Variants in ADAMTS19 observed in about 807,000 individuals in gnomAD.
ADAMTS19 encodes the protein ADAM metallopeptidase with thrombospondin type 1 motif 19.
ADAMTS19 carries 93 observed loss-of-function variants against 153.3 expected under a neutral mutation model. The observed-to-expected ratio is 0.61, with a 90% CI of 0.51 to 0.72. The LOEUF (loss-of-function observed/expected upper bound fraction) is 0.72, where lower values mean the gene tolerates loss of function less well. Ranked by LOEUF, ADAMTS19 falls within the 30% of genes least tolerant of loss-of-function variation. ADAMTS19 has a pLI of 0.00. For missense variants in ADAMTS19, 1,482 were observed against 1,552.1 expected (o/e 0.95, Z 0.76); for synonymous variants, 600 against 556.6 (o/e 1.08, Z -1.10).
chr5:129,586,413 T>A (rs142708637), intron 7 of ADAMTS19, among the ~76,000 whole-genome samples: 30 of 152,342 alleles, frequency 2.0e-4, no homozygotes, highest in African/African-American at 6.7e-4. Context: ...GTTACATAGT[T>A]GAAATCATGC....
At chr5:129,653,194 G>C (rs1357696988) in intron 13 of ADAMTS19, among the ~76,000 whole-genome samples, 2 of 152,148 alleles carry the variant, frequency 1.3e-5, no homozygotes, top group African/African-American at 4.8e-5. Context: ...CTTTACTGAA[G>C]ACATAAGGGA....
At position 129,679,830 on chromosome 5, in the gene ADAMTS19, A is replaced by G. The variant is rs753363146; in HGVS notation, c.2573A>G (p.Asn858Ser). 14 of 1,614,050 alleles carry G rather than the reference A, an allele frequency of 8.7e-6. No homozygotes were observed. The highest frequency in any genetic ancestry group is 2.2e-5 in the East Asian group (1 of 44,860). ...AAGATTGAACACTCTGGAGCCTTCA[A>G]TTTGGCTGGAACTACCGTTCATTAT... ...DWKIEHSGAF[N>S]LAGTTVHYVR... The change falls in exon 17 of 23, where the codon AAT (asparagine) becomes AGT (serine). Residue 858 changes from asparagine (N) to serine (S), a missense_variant. Asn to Ser is a conservative substitution (Grantham distance 46, BLOSUM62 1). Around this residue, in one of 2 missense-constraint regions of ADAMTS19, gnomAD observed 616 missense variants for 724.4 expected, o/e 0.85. Transcript: ENST00000274487.
rs546767144 is a variant in ADAMTS19 at position 129,673,237 on chromosome 5, TC to T, written c.2507-6526del. Among the ~76,000 whole-genome samples the T allele has an allele frequency of 2.1e-4, 32 of 152,208 alleles. No individual in the cohort carries two copies. In the South Asian group the frequency reaches 2.9e-3, roughly 14 times the overall value. On this transcript the variant is annotated intron_variant, in intron 16 of 22. Coordinates refer to ENST00000274487, the MANE Select transcript of ADAMTS19 (RefSeq NM_133638.6). ...TTACATTGGGTTTATATTTATTTTT[TC>T]TACCATTTTAAGGTAGAAACTTAGA...
chr5:129,639,932 G>A (rs1752718456), intron 10 of ADAMTS19, among the ~76,000 whole-genome samples: 1 of 152,052 alleles, frequency 6.6e-6, no homozygotes, highest in Non-Finnish European at 1.5e-5. Flanking sequence ...AAAAGTACAT[G>A]AAAAACAATT....
At chr5:129,709,003 A>C (rs1756312553) in intron 21 of ADAMTS19, among the ~76,000 whole-genome samples, 2 of 152,144 alleles carry the variant, frequency 1.3e-5, no homozygotes, top group South Asian at 4.1e-4. Context: ...TAGAAGTGAT[A>C]GATACAAAGC....
rs1753007490 is a variant in ADAMTS19, at chr5:129,549,870, ATG to A, written c.1329-1992_1329-1991del. Among the ~76,000 whole-genome samples, 5 of 96,620 alleles carry A rather than the reference ATG, an allele frequency of 5.2e-5. No homozygotes were observed. In the South Asian group the frequency reaches 1.6e-3, roughly 30 times the overall value. 63.4% of individuals were successfully genotyped at this position (96,620 alleles called of 152,430 possible). ...TATATACATATACATGTATCCGTATATGTATATATGTATCTATATATACATAT... is the reference window on the plus strand; with the variant it reads ...TATATACATATACATGTATCCGTATATATATATGTATCTATATATACATAT... On this transcript the variant is annotated intron_variant, in intron 6 of 22. Coordinates refer to ENST00000274487, the MANE Select transcript of ADAMTS19 (RefSeq NM_133638.6).
intron 16 of ADAMTS19, among the ~76,000 whole-genome samples, chr5:129,668,299 AT>A (rs1323942907): frequency 6.6e-6 from 1 of 152,068 alleles, no homozygotes; most frequent in Non-Finnish European, 1.5e-5. Flanking sequence ...AATATCTGTA[AT>A]TTTTTAATGT....
chr5:129,642,323 T>G (rs1752828630), intron 11 of ADAMTS19, among the ~76,000 whole-genome samples: 1 of 152,112 alleles, frequency 6.6e-6, no homozygotes, highest in African/African-American at 2.4e-5. Flanking sequence ...ATGGATCTTT[T>G]CAAGTATAAA....
At chr5:129,567,737 G>A (rs773007299) in intron 7 of ADAMTS19, among the ~76,000 whole-genome samples, 1 of 151,698 alleles carries the variant, frequency 6.6e-6, no homozygotes, top group African/African-American at 2.4e-5. Flanking sequence ...TAGTTATCAT[G>A]GGCTCCAGGA....
intron 7 of ADAMTS19, among the ~76,000 whole-genome samples, chr5:129,576,735 T>G (rs1236919025): frequency 6.6e-6 from 1 of 152,160 alleles, no homozygotes; most frequent in African/African-American, 2.4e-5. Context: ...TTTTGATCTT[T>G]GCAGTAAATT....
chr5:129,468,037 G>A (rs1440211762), intron 2 of ADAMTS19, among the ~76,000 whole-genome samples: 1 of 152,124 alleles, frequency 6.6e-6, no homozygotes, highest in East Asian at 1.9e-4. Flanking sequence ...CTGATTGCAA[G>A]GATCTTTTGT....
intron 5 of ADAMTS19, among the ~76,000 whole-genome samples, chr5:129,528,207 T>C (rs1252376913): frequency 6.6e-6 from 1 of 152,046 alleles, no homozygotes; most frequent in Non-Finnish European, 1.5e-5. Context: ...GAAAATGGTG[T>C]TCTACATAGA....
chr5:129,511,532 A>G (rs573154636), intron 3 of ADAMTS19, among the ~76,000 whole-genome samples: 1 of 151,908 alleles, frequency 6.6e-6, no homozygotes, highest in South Asian at 2.1e-4. Flanking sequence ...CACAGTTTCT[A>G]TTCTCAAGAG....
At chr5:129,647,298 TG>T (rs1369514420) in intron 11 of ADAMTS19, among the ~76,000 whole-genome samples, 4 of 151,690 alleles carry the variant, frequency 2.6e-5, no homozygotes, top group African/African-American at 9.7e-5. Context: ...AAAAGTACCC[TG>T]AGTCACTGAC....
chr5:129,555,653 A>G (rs554100366), intron 7 of ADAMTS19, among the ~76,000 whole-genome samples: 1 of 152,164 alleles, frequency 6.6e-6, no homozygotes, highest in Non-Finnish European at 1.5e-5. Context: ...CTGGCATTTT[A>G]TCTACACCAG....
chr5:129,671,677 T>C (rs1754305665), intron 16 of ADAMTS19, among the ~76,000 whole-genome samples: 1 of 151,798 alleles, frequency 6.6e-6, no homozygotes, highest in South Asian at 2.1e-4. Context: ...TTCTTTAAAC[T>C]GTATTCTTAA....
rs1320876098 is a variant in ADAMTS19 at position 129,515,762 on chromosome 5, T to A, written c.913+6520T>A. ...GATAATTTGACTTCTTCCTTTCCAA[T>A]TTAGATGCCCTTTATATTTTTCTCT... On this transcript the variant is annotated intron_variant, in intron 3 of 22. Transcript: ENST00000274487. Among the ~76,000 whole-genome samples the A allele has an allele frequency of 2.6e-5, 4 of 152,000 alleles. No individual in the cohort carries two copies. The East Asian group carries it at 7.7e-4, about 29-fold the overall frequency.
At chr5:129,570,637 G>A (rs67999609) in intron 7 of ADAMTS19, among the ~76,000 whole-genome samples, 96 of 12,532 alleles carry the variant, frequency 7.7e-3, no homozygotes, top group South Asian at 0.043. Flanking sequence ...AAAATTAAAA[G>A]AAAAAACGTA....
At position 129,648,746 on chromosome 5, in the gene ADAMTS19, A is replaced by C; in HGVS notation, c.2004-52A>C. The C allele has an allele frequency of 4.1e-6, 6 of 1,470,210 alleles. 1 individual carries two copies. The South Asian group carries it at 7.3e-5, about 18-fold the overall frequency. 91.1% of individuals were successfully genotyped at this position (1,470,210 alleles called of 1,614,324 possible). ...TATAATGGCTTTTAATTTAAAACCT[A>C]GGTAGTTAACATAAAAAACATAAAA... On this transcript the variant is annotated intron_variant, in intron 12 of 22. Transcript: ENST00000274487.
Sources: allele counts gnomAD v4.1 joint callset (sites outside exome capture counted in the v4.1 genomes callset), GRCh38; gene constraint gnomAD v4.1.1; regional missense constraint gnomAD v4.1.1; transcripts MANE v1.5; gene names NCBI Gene and HGNC (gene_info 2026-07-23, HGNC 2026-07-21).